Variants in WWOX observed in about 807,000 individuals in gnomAD.
WWOX encodes the protein WW domain containing oxidoreductase, also known as WW domain-containing oxidoreductase.
In WWOX, 69 loss-of-function variants were observed where a neutral mutation model predicts 46.2. The observed-to-expected ratio is 1.49, with a 90% CI of 1.23 to 1.82. The LOEUF is 1.82. Ranked by LOEUF, WWOX falls within the 40% of genes most tolerant of loss-of-function variation. WWOX has a pLI of 0.00. For missense variants in WWOX, 919 were observed against 542.6 expected, an observed-to-expected ratio of 1.69 and a Z score of -6.89; for synonymous variants, 359 against 202.6, an observed-to-expected ratio of 1.77 and a Z score of -6.56.
At chr16:79,192,742 A>G (rs1011476265) in intron 8 of WWOX, among the ~76,000 whole-genome samples, 1 of 152,212 alleles carries the variant, frequency 6.6e-6, no homozygotes, top group Non-Finnish European at 1.5e-5. Flanking sequence ...TCAGCACAAA[A>G]GAGGCAGTAG....
intron 8 of WWOX, chr16:78,873,462 C>T (rs1274987939): frequency 6.6e-6 from 1 of 152,030 alleles, no homozygotes; most frequent in East Asian, 1.9e-4. Flanking sequence ...CCATTTACAG[C>T]TTAGTCTTTG....
intron 5 of WWOX, 132 bp from the exon 6 acceptor site, chr16:78,386,728 T>G: frequency 1.5e-6 from 1 of 685,232 alleles, no homozygotes; most frequent in South Asian, 1.5e-5. Context: ...TTCCGATGAT[T>G]TATATTCTCT....
At chr16:78,757,115 C>A (rs1035607098) in intron 8 of WWOX, 2 of 679,574 alleles carry the variant, frequency 2.9e-6, no homozygotes, top group East Asian at 2.7e-5. Flanking sequence ...ATTTGAGCCC[C>A]TATCTAGAAC....
chr16:79,047,063 C>A (rs138166792), intron 8 of WWOX, among the ~76,000 whole-genome samples: 28 of 152,326 alleles, frequency 1.8e-4, no homozygotes, highest in African/African-American at 6.5e-4. Context: ...TCCTTGGCAT[C>A]CACAAATATT....
intron 8 of WWOX, among the ~76,000 whole-genome samples, chr16:78,604,019 C>T (rs538384684): frequency 2.6e-5 from 4 of 152,108 alleles, no homozygotes; most frequent in Admixed American, 6.6e-5. Flanking sequence ...TGGCACACAC[C>T]TATAGTCCCA....
chr16:78,478,444 C>A (rs113671044), intron 8 of WWOX, among the ~76,000 whole-genome samples: 1 of 152,186 alleles, frequency 6.6e-6, no homozygotes, highest in South Asian at 2.1e-4. Flanking sequence ...TTTCAGACTC[C>A]GGAAAGAAAA....
At chr16:78,588,502 C>G (rs183951539) in intron 8 of WWOX, among the ~76,000 whole-genome samples, 6 of 152,210 alleles carry the variant, frequency 3.9e-5, no homozygotes, top group African/African-American at 9.6e-5. Flanking sequence ...AGTGGCCTCA[C>G]AAGTTTCTTG....
intron 5 of WWOX, among the ~76,000 whole-genome samples, chr16:78,362,491 T>A (rs138978943): frequency 1.4e-4 from 21 of 152,158 alleles, no homozygotes; most frequent in Middle Eastern, 3.4e-3. Context: ...CATCTGTTGT[T>A]CCAGGTACTC....
chr16:79,174,073 T>A (rs1220937260), intron 8 of WWOX, among the ~76,000 whole-genome samples: 1 of 152,166 alleles, frequency 6.6e-6, no homozygotes, highest in Non-Finnish European at 1.5e-5. Flanking sequence ...GTCAGAATGT[T>A]TATTTGACCT....
At chr16:78,181,375 T>C (rs2035527548) in intron 5 of WWOX, among the ~76,000 whole-genome samples, 1 of 152,218 alleles carries the variant, frequency 6.6e-6, no homozygotes, top group Admixed American at 6.5e-5. Context: ...AGCTATGATT[T>C]GTTTTAATCA....
chr16:78,120,933 C>G (rs1395230018), intron 4 of WWOX, among the ~76,000 whole-genome samples: 2 of 152,100 alleles, frequency 1.3e-5, no homozygotes, highest in Non-Finnish European at 2.9e-5. Flanking sequence ...CTTTTCCATA[C>G]CTAAATGTTA....
chr16:78,634,739 G>A (rs1179780052), intron 8 of WWOX, among the ~76,000 whole-genome samples: 1 of 150,578 alleles, frequency 6.6e-6, no homozygotes, highest in East Asian at 2.0e-4. Flanking sequence ...TAAATCAGTG[G>A]ATTCTGCCGA....
intron 8 of WWOX, among the ~76,000 whole-genome samples, chr16:78,636,584 C>T (rs569283233): frequency 6.6e-6 from 1 of 152,224 alleles, no homozygotes; most frequent in Admixed American, 6.5e-5. Context: ...AGTAATGACC[C>T]TCTTTTCTCT....
At chr16:78,303,009 T>G (rs1159219076) in intron 5 of WWOX, among the ~76,000 whole-genome samples, 1 of 152,160 alleles carries the variant, frequency 6.6e-6, no homozygotes, top group Non-Finnish European at 1.5e-5. Flanking sequence ...GAACTCTCCA[T>G]ATGGATTTTC....
At chr16:79,108,075 C>G (rs2049345012) in intron 8 of WWOX, among the ~76,000 whole-genome samples, 1 of 152,270 alleles carries the variant, frequency 6.6e-6, no homozygotes, top group East Asian at 1.9e-4. Context: ...ATTGTCTTAT[C>G]TATTATCAGG....
chr16:78,527,990 C>CTTTTTTTTTTTTT (rs1348624411), intron 8 of WWOX, among the ~76,000 whole-genome samples: 2 of 57,950 alleles, frequency 3.5e-5, no homozygotes, highest in South Asian at 8.4e-4. Context: ...TGGTACATGT[C>CTTTTTTTTTTTTT]CTTTTTTTTT....
intron 8 of WWOX, among the ~76,000 whole-genome samples, chr16:78,465,086 G>T (rs556101896): frequency 2.0e-5 from 3 of 152,230 alleles, no homozygotes; most frequent in Non-Finnish European, 4.4e-5. Context: ...ACTATCAAGG[G>T]AACAGCACAG....
intron 8 of WWOX, among the ~76,000 whole-genome samples, chr16:78,570,612 C>CT (rs2044692091): frequency 6.6e-6 from 1 of 152,168 alleles, no homozygotes; most frequent in Non-Finnish European, 1.5e-5. Flanking sequence ...CGAAGCCCAG[C>CT]TGCTGCAGTT....
At chr16:78,855,019 T>C (rs2052534955) in intron 8 of WWOX, among the ~76,000 whole-genome samples, 1 of 152,126 alleles carries the variant, frequency 6.6e-6, no homozygotes, top group East Asian at 1.9e-4. Flanking sequence ...AAAATCAGTA[T>C]GATTCATCAT....
Sources: allele counts gnomAD v4.1 joint callset (sites outside exome capture counted in the v4.1 genomes callset), GRCh38; gene constraint gnomAD v4.1.1; transcripts MANE v1.5; gene names NCBI Gene and HGNC (gene_info 2026-07-23, HGNC 2026-07-21).